Variants in ZNF475 observed in about 807,000 individuals in gnomAD.
ZNF475 encodes the protein zinc finger protein 475.
chr5:122,178,595 T>G, the ZNF475 span, among the ~76,000 whole-genome samples: 1 of 152,214 alleles, frequency 6.6e-6, no homozygotes, highest in Non-Finnish European at 1.5e-5. Context: ...TGTTTTTTTC[T>G]TGTGAAGTTG....
chr5:122,160,204 A>G, the ZNF475 span: 5 of 1,289,504 alleles, frequency 3.9e-6, no homozygotes, highest in South Asian at 4.9e-5. Context: ...CCATGCCTGC[A>G]TATCAGGGCA....
the ZNF475 span, among the ~76,000 whole-genome samples, chr5:122,160,680 A>G: frequency 6.6e-6 from 1 of 152,206 alleles, no homozygotes; most frequent in Non-Finnish European, 1.5e-5. Context: ...AGAGGAGAGA[A>G]TCACATATTA....
chr5:122,182,222 A>C, the ZNF475 span, among the ~76,000 whole-genome samples: 1 of 152,206 alleles, frequency 6.6e-6, no homozygotes, highest in African/African-American at 2.4e-5. Context: ...CCCTTTTTAA[A>C]ATCCAAAGAG....
At chr5:122,174,450 C>G in the ZNF475 span, among the ~76,000 whole-genome samples, 3 of 152,114 alleles carry the variant, frequency 2.0e-5, no homozygotes, top group Non-Finnish European at 4.4e-5. Flanking sequence ...GGGTTGTTTG[C>G]GCTTCACTAG....
chr5:122,160,426 T>C, the ZNF475 span, among the ~76,000 whole-genome samples: 1 of 152,204 alleles, frequency 6.6e-6, no homozygotes, highest in Non-Finnish European at 1.5e-5. Flanking sequence ...AGCTTTCTAA[T>C]CTAAAAATTT....
chr5:122,172,467 T>A, the ZNF475 span, among the ~76,000 whole-genome samples: 1 of 152,192 alleles, frequency 6.6e-6, no homozygotes. Context: ...ATAGCTCACT[T>A]CCTGGGGCTA....
chr5:122,176,709 A>AG, the ZNF475 span, among the ~76,000 whole-genome samples: 1 of 152,206 alleles, frequency 6.6e-6, no homozygotes, highest in Non-Finnish European at 1.5e-5. Flanking sequence ...TTCTTGTGGC[A>AG]GAAAATTATG....
the ZNF475 span, among the ~76,000 whole-genome samples, chr5:122,172,455 C>G: frequency 1.3e-5 from 2 of 152,252 alleles, no homozygotes; most frequent in South Asian, 4.1e-4. Flanking sequence ...TCTAAAGGCC[C>G]AATAGCTCAC....
At chr5:122,173,587 A>G in the ZNF475 span, among the ~76,000 whole-genome samples, 1 of 152,254 alleles carries the variant, frequency 6.6e-6, no homozygotes, top group Non-Finnish European at 1.5e-5. Flanking sequence ...TTCCTGACAG[A>G]GAAAAGAGAT....
chr5:122,168,269 C>A, the ZNF475 span, among the ~76,000 whole-genome samples: 1 of 152,174 alleles, frequency 6.6e-6, no homozygotes, highest in African/African-American at 2.4e-5. Flanking sequence ...GTCTTGAACT[C>A]CTGACCTCAG....
chr5:122,169,484 G>A, the ZNF475 span, among the ~76,000 whole-genome samples: 1 of 152,164 alleles, frequency 6.6e-6, no homozygotes, highest in Non-Finnish European at 1.5e-5. Flanking sequence ...GCAAAATTGA[G>A]GACTGTGGCC....
chr5:122,174,249 C>T, the ZNF475 span, among the ~76,000 whole-genome samples: 1 of 152,212 alleles, frequency 6.6e-6, no homozygotes, highest in Non-Finnish European at 1.5e-5. Flanking sequence ...ATAGGAAAAC[C>T]TTGGACTGGA....
At chr5:122,182,577 C>T in the ZNF475 span, 23 of 1,535,386 alleles carry the variant, frequency 1.5e-5, no homozygotes, top group East Asian at 4.9e-5. Flanking sequence ...TGTTTGTGGG[C>T]GTACCTTCCT....
At chr5:122,174,551 G>A in the ZNF475 span, among the ~76,000 whole-genome samples, 3 of 152,158 alleles carry the variant, frequency 2.0e-5, no homozygotes, top group South Asian at 6.2e-4. Context: ...TAGAGCATGG[G>A]AGAAGCTTTA....
chr5:122,175,729 C>T, the ZNF475 span, among the ~76,000 whole-genome samples: 1 of 152,114 alleles, frequency 6.6e-6, no homozygotes, highest in African/African-American at 2.4e-5. Context: ...CAGAAGCTGA[C>T]ACCTCCAATT....
At chr5:122,162,853 G>A in the ZNF475 span, 1 of 152,152 alleles carries the variant, frequency 6.6e-6, no homozygotes, top group East Asian at 1.9e-4. Context: ...GAGGTAGTTG[G>A]GAGAGCAAAG....
the ZNF475 span, among the ~76,000 whole-genome samples, chr5:122,167,099 A>C: frequency 1.3e-5 from 2 of 152,010 alleles, no homozygotes; most frequent in African/African-American, 4.8e-5. Context: ...TAATTTTTGT[A>C]TAAGGTGTAA....
chr5:122,176,418 A>G, the ZNF475 span, among the ~76,000 whole-genome samples: 5,774 of 152,270 alleles, frequency 0.038, 350 homozygotes, highest in African/African-American at 0.13. Context: ...CAACAGATCC[A>G]GAACAAAATC....
chr5:122,172,802 G>T, the ZNF475 span, among the ~76,000 whole-genome samples: 1 of 152,166 alleles, frequency 6.6e-6, no homozygotes, highest in Admixed American at 6.5e-5. Flanking sequence ...GGGAGGCCGA[G>T]GCGGATGGAT....
Sources: allele counts gnomAD v4.1 joint callset (sites outside exome capture counted in the v4.1 genomes callset), GRCh38; gene constraint gnomAD v4.1.1; transcripts MANE v1.5; gene names NCBI Gene and HGNC (gene_info 2026-07-23, HGNC 2026-07-21).